GAK: variants seen among roughly 807,000 people sequenced by gnomAD.
GAK encodes the protein cyclin G associated kinase.
Under a neutral mutation model 143.9 loss-of-function variants are expected in GAK, and 79 were observed. The observed-to-expected ratio is 0.55, with a 90% CI of 0.46 to 0.66. The LOEUF (loss-of-function observed/expected upper bound fraction) is 0.66, where lower values mean the gene tolerates loss of function less well. Among genes scored for constraint, GAK ranks in the 30% least tolerant of loss-of-function variants. GAK has a pLI of 0.00. For missense variants in GAK, 1,693 were observed against 1,779.7 expected, an observed-to-expected ratio of 0.95 and a Z score of 0.88; for synonymous variants, 881 against 765.5, an observed-to-expected ratio of 1.15 and a Z score of -2.49.
intron 4 of GAK, among the ~76,000 whole-genome samples, chr4:905,154 T>A (rs1720826294): frequency 6.6e-6 from 1 of 152,198 alleles, no homozygotes; most frequent in African/African-American, 2.4e-5. Context: ...GTGGGAAACC[T>A]CTAGGGGGTA....
At chr4:908,365 G>A (rs751277469) in intron 4 of GAK, among the ~76,000 whole-genome samples, 6 of 152,144 alleles carry the variant, frequency 3.9e-5, no homozygotes, top group African/African-American at 1.2e-4. Flanking sequence ...CGAAGCGACC[G>A]CACCACGTGG....
chr4:893,464 C>G lies in GAK; in HGVS notation c.903G>C (p.Glu301Asp), dbSNP rs1385877539. 1 of 1,583,422 alleles carries G rather than the reference C, an allele frequency of 6.3e-7. No homozygotes were observed. Among genetic ancestry groups the G allele is most frequent in the Non-Finnish European group, 8.6e-7 (1 of 1,167,006 alleles). Reference sequence around the variant, plus strand: ...CCACCTCGGCGATGGACAGCCGCTCCTCCGGGTTCACCTGCAGCATGGCGC... The same window carrying G: ...CCACCTCGGCGATGGACAGCCGCTCGTCCGGGTTCACCTGCAGCATGGCGC... ...LIRAMLQVNP[E>D]ERLSIAEVVH... Residue 301 changes from glutamate to aspartate, a missense_variant, in exon 9 of 28, where the codon GAG becomes GAC. Around this residue, in one of 2 missense-constraint regions of GAK, gnomAD observed 871 missense variants for 991.0 expected, o/e 0.88. Coordinates refer to ENST00000314167, the MANE Select transcript of GAK (RefSeq NM_005255.4).
At chr4:883,516 G>A in intron 12 of GAK, 53 bp from the exon 13 acceptor site, 3 of 1,597,030 alleles carry the variant, frequency 1.9e-6, no homozygotes, top group Non-Finnish European at 2.6e-6. Context: ...CTCGTGGCCA[G>A]GCTGCTGCTG....
intron 11 of GAK, 77 bp downstream of exon 11, chr4:888,770 A>G: frequency 6.6e-7 from 1 of 1,523,814 alleles, no homozygotes; most frequent in Non-Finnish European, 8.8e-7. Flanking sequence ...GTTCCACCGC[A>G]GCCAGGAAGC....
intron 23 of GAK, 80 bp from the exon 24 acceptor site, chr4:859,802 C>G: frequency 1.0e-6 from 1 of 1,002,186 alleles, no homozygotes; most frequent in Non-Finnish European, 1.5e-6. Context: ...ATGGCGCCTC[C>G]TTACGACATG....
chr4:890,928 C>T (rs1348177728), intron 9 of GAK, among the ~76,000 whole-genome samples: 1 of 152,078 alleles, frequency 6.6e-6, no homozygotes, highest in African/African-American at 2.4e-5. Flanking sequence ...CTCTCTCTTC[C>T]CAGTCTGTCC....
At chr4:886,576 C>T (rs564130834) in intron 11 of GAK, 1 of 152,264 alleles carries the variant, frequency 6.6e-6, no homozygotes, top group Non-Finnish European at 1.5e-5. Context: ...CGAAAGTGAC[C>T]GTTCCTAGTG....
intron 5 of GAK, among the ~76,000 whole-genome samples, chr4:903,173 C>T (rs562053036): frequency 5.0e-4 from 76 of 152,182 alleles, no homozygotes; most frequent in Non-Finnish European, 4.4e-4. Context: ...AGGGATGGAG[C>T]GCGAGCCCAG....
chr4:929,308 C>T (rs181055180), intron 1 of GAK, among the ~76,000 whole-genome samples: 181 of 152,310 alleles, frequency 1.2e-3, no homozygotes, highest in Admixed American at 2.9e-3. Context: ...ACCAAACGCA[C>T]GAGGCGGGTT....
At chr4:899,788 G>A (rs1007132951) in intron 5 of GAK, among the ~76,000 whole-genome samples, 1 of 152,296 alleles carries the variant, frequency 6.6e-6, no homozygotes, top group Admixed American at 6.5e-5. Context: ...CCTGCTCCGC[G>A]GACCAGCAAG....
intron 25 of GAK, 129 bp downstream of exon 25, chr4:851,621 C>T: frequency 1.1e-6 from 1 of 951,630 alleles, no homozygotes; most frequent in South Asian, 1.4e-5. Flanking sequence ...CCGCGTCGTT[C>T]TCTGAGTGGC....
At chr4:862,714 C>A (rs1189475975) in intron 23 of GAK, among the ~76,000 whole-genome samples, 1 of 151,374 alleles carries the variant, frequency 6.6e-6, no homozygotes, top group African/African-American at 2.4e-5. Flanking sequence ...AATGGCACAG[C>A]AAAGCCTGGA....
chr4:882,813 C>A lies in GAK; in HGVS notation c.1411G>T (p.Glu471Ter). The A allele has an allele frequency of 6.2e-7, 1 of 1,609,742 alleles. No homozygotes were observed. Among genetic ancestry groups the A allele is most frequent in the South Asian group, 1.1e-5 (1 of 90,936 alleles). ...GCCCGCCGTGCTGCCCAGCCACACTCGGAGACCTGTGGGGACAGGGCACGG... is the reference window on the plus strand; with the variant it reads ...GCCCGCCGTGCTGCCCAGCCACACTAGGAGACCTGTGGGGACAGGGCACGG... Reference protein sequence around the residue: ...RPSRFHNRVSECGWAARRAPH... With the variant: ...RPSRFHNRVS The change falls in exon 14 of 28, where the codon GAG becomes TAG. Residue 471 changes from glutamate to a stop codon, truncating the protein, a stop_gained. Coordinates refer to ENST00000314167, the MANE Select transcript of GAK (RefSeq NM_005255.4). LOFTEE classifies it high-confidence loss of function.
At chr4:875,890 G>A (rs1242241007) in intron 18 of GAK, among the ~76,000 whole-genome samples, 2 of 152,226 alleles carry the variant, frequency 1.3e-5, no homozygotes, top group African/African-American at 2.4e-5. Flanking sequence ...GCAGTGAGCC[G>A]AGATTGCGCC....
At position 904,685 on chromosome 4, in the gene GAK, C is replaced by T. The variant is rs1390259974; in HGVS notation, c.477G>A (p.Val159=). Residue 159 remains valine, a synonymous_variant, in exon 5 of 28, where the codon GTG becomes GTA. Transcript: ENST00000314167. The stretch of plus-strand genomic sequence containing the variant: ...GCGGCTTCTGCCGGTGCATGTGCTG[C>T]ACGGCGCGGCACGTCTGGTAGAAGA... The part of the protein sequence containing the change: ...LKIFYQTCRA[V]QHMHRQKPPI... 2 of 1,612,674 alleles carry T rather than the reference C, an allele frequency of 1.2e-6. No individual in the cohort carries two copies. Among genetic ancestry groups the T allele is most frequent in the Non-Finnish European group, 8.5e-7 (1 of 1,179,188 alleles).
chr4:878,384 G>A (rs923608193), intron 15 of GAK, among the ~76,000 whole-genome samples: 1 of 151,936 alleles, frequency 6.6e-6, no homozygotes, highest in Non-Finnish European at 1.5e-5. Context: ...TTCCACTGTG[G>A]CCTGACAGCA....
chr4:899,099 G>A (rs1334740210), intron 5 of GAK, among the ~76,000 whole-genome samples: 1 of 152,212 alleles, frequency 6.6e-6, no homozygotes, highest in Non-Finnish European at 1.5e-5. Flanking sequence ...CATCTTAATG[G>A]CAGAGCCATG....
intron 24 of GAK, chr4:852,989 G>A (rs1748448085): frequency 6.6e-6 from 1 of 151,920 alleles, no homozygotes; most frequent in Non-Finnish European, 1.5e-5. Flanking sequence ...CGACCTGAAT[G>A]CTTCACTACA....
chr4:868,369 A>G (rs1349333805), intron 20 of GAK, among the ~76,000 whole-genome samples, 170 bp downstream of exon 20: 1 of 152,144 alleles, frequency 6.6e-6, no homozygotes, highest in African/African-American at 2.4e-5. Context: ...AATCATTCTT[A>G]GCTCGTGAGC....
Sources: allele counts gnomAD v4.1 joint callset (sites outside exome capture counted in the v4.1 genomes callset), GRCh38; gene constraint gnomAD v4.1.1; regional missense constraint gnomAD v4.1.1; transcripts MANE v1.5; gene names NCBI Gene and HGNC (gene_info 2026-07-23, HGNC 2026-07-21).